Variants in CDKAL1 observed in about 807,000 individuals in gnomAD.
The protein encoded by CDKAL1 is CDKAL1 threonylcarbamoyladenosine tRNA methylthiotransferase.
Under a neutral mutation model 68.2 loss-of-function variants are expected in CDKAL1, and 32 were observed. The observed-to-expected ratio is 0.47, with a 90% CI of 0.35 to 0.63. The LOEUF (loss-of-function observed/expected upper bound fraction) is 0.63. CDKAL1 is among the 30% of genes least tolerant of loss of function. CDKAL1 has a pLI of 0.00. For synonymous variants in CDKAL1, 234 were observed against 244.3 expected, an observed-to-expected ratio of 0.96 and a Z score of 0.39; for missense variants, 606 against 696.7, an observed-to-expected ratio of 0.87 and a Z score of 1.47.
intron 5 of CDKAL1, among the ~76,000 whole-genome samples, chr6:20,667,374 T>G (rs1177986727): frequency 6.6e-6 from 1 of 152,182 alleles, no homozygotes; most frequent in Non-Finnish European, 1.5e-5. Flanking sequence ...GTGGTAATGC[T>G]TCTTTGTTGA....
At chr6:20,811,899 C>T (rs1776835234) in intron 8 of CDKAL1, among the ~76,000 whole-genome samples, 1 of 151,566 alleles carries the variant, frequency 6.6e-6, no homozygotes, top group African/African-American at 2.4e-5. Flanking sequence ...AAATGTCTAT[C>T]AAACAATTTT....
chr6:20,561,478 A>G (rs975127998), intron 4 of CDKAL1, among the ~76,000 whole-genome samples: 5 of 146,036 alleles, frequency 3.4e-5, no homozygotes, highest in African/African-American at 1.3e-4. Flanking sequence ...AAAAGAACAG[A>G]CTGTAGCCAG....
chr6:20,741,710 G>T (rs1297694879), intron 6 of CDKAL1, among the ~76,000 whole-genome samples: 4 of 151,612 alleles, frequency 2.6e-5, no homozygotes, highest in Non-Finnish European at 5.9e-5. Context: ...TTCTTTATCC[G>T]ATATGTCATT....
chr6:20,607,182 A>G lies in CDKAL1; in HGVS notation c.287-42111A>G, dbSNP rs1463832190. On this transcript the variant is annotated intron_variant, in intron 4 of 15. Transcript: ENST00000274695. ...GAAAGAACGTAAAGTAGTTTTTAGA[A>G]GTAGTTTCTTCTGGTCACCAAATTA... Among the ~76,000 whole-genome samples, 5 of 152,224 alleles carry G rather than the reference A, an allele frequency of 3.3e-5. No individual in the cohort carries two copies. In the East Asian group the frequency reaches 5.8e-4, roughly 18 times the overall value.
intron 6 of CDKAL1, among the ~76,000 whole-genome samples, chr6:20,740,565 AT>A (rs1773410021): frequency 6.6e-6 from 1 of 152,214 alleles, no homozygotes. Context: ...ATTTAAAAAA[AT>A]ATGTAAAAAC....
chr6:20,942,210 G>A (rs546709590), intron 9 of CDKAL1, among the ~76,000 whole-genome samples: 13 of 152,010 alleles, frequency 8.6e-5, no homozygotes, highest in Admixed American at 1.3e-4. Flanking sequence ...CACAATCTAC[G>A]TTCAAATAAT....
intron 7 of CDKAL1, among the ~76,000 whole-genome samples, chr6:20,760,292 T>C (rs1318460166): frequency 2.0e-5 from 3 of 152,144 alleles, no homozygotes; most frequent in East Asian, 3.8e-4. Context: ...TAATCTTCTT[T>C]TGATGTTCCA....
chr6:21,140,502 G>A (rs1775844818), intron 13 of CDKAL1, among the ~76,000 whole-genome samples: 1 of 152,142 alleles, frequency 6.6e-6, no homozygotes, highest in African/African-American at 2.4e-5. Context: ...ATGTTTTTAA[G>A]AGACTTGCCC....
intron 5 of CDKAL1, among the ~76,000 whole-genome samples, chr6:20,679,685 T>C (rs1241092727): frequency 6.6e-6 from 1 of 152,262 alleles, no homozygotes; most frequent in Non-Finnish European, 1.5e-5. Flanking sequence ...CATACTTTTA[T>C]TGAATTTCTA....
chr6:20,695,854 T>G (rs1314190733), intron 5 of CDKAL1, among the ~76,000 whole-genome samples: 1 of 152,216 alleles, frequency 6.6e-6, no homozygotes, highest in Non-Finnish European at 1.5e-5. Context: ...CACATTGTTA[T>G]GTAACCATTA....
chr6:20,943,328 C>CAAAAAAAAAAAAAAAAAAA (rs34759060), intron 9 of CDKAL1, among the ~76,000 whole-genome samples: 8 of 50,980 alleles, frequency 1.6e-4, no homozygotes, highest in African/African-American at 2.6e-4. Flanking sequence ...CTTGTTTTTT[C>CAAAAAAAAAAAAAAAAAAA]AAAAAAAAAA....
At chr6:20,773,899 T>G (rs546701922) in intron 7 of CDKAL1, among the ~76,000 whole-genome samples, 1 of 152,244 alleles carries the variant, frequency 6.6e-6, no homozygotes, top group Non-Finnish European at 1.5e-5. Context: ...GCCACCCTTC[T>G]GCCCTCTGCC....
At chr6:20,633,559 A>G (rs1183655547) in intron 4 of CDKAL1, among the ~76,000 whole-genome samples, 4 of 152,186 alleles carry the variant, frequency 2.6e-5, no homozygotes, top group Admixed American at 6.5e-5. Flanking sequence ...TAGGAGAGGA[A>G]TTGCTAGATT....
At chr6:21,144,619 T>C (rs1206730791) in intron 13 of CDKAL1, among the ~76,000 whole-genome samples, 1 of 130,566 alleles carries the variant, frequency 7.7e-6, no homozygotes, top group African/African-American at 3.1e-5. Context: ...ACCCCATCTC[T>C]ACAAAAAATA....
intron 9 of CDKAL1, among the ~76,000 whole-genome samples, chr6:20,855,771 G>C (rs1759303302): frequency 6.6e-6 from 1 of 152,078 alleles, no homozygotes; most frequent in African/African-American, 2.4e-5. Context: ...GTATATATTA[G>C]TACAATAGTA....
rs373729090 is a variant in CDKAL1 at position 20,974,865 on chromosome 6, C to A, written c.909+19280C>A. On this transcript the variant is annotated intron_variant, in intron 10 of 15. Transcript: ENST00000274695. Reference sequence around the variant, plus strand: ...ATGGTTGTATGCTCCTGTAGTACCCCCTACTCAGGAGGCTGAGGTGAAAGA... The same window carrying A: ...ATGGTTGTATGCTCCTGTAGTACCCACTACTCAGGAGGCTGAGGTGAAAGA... Among the ~76,000 whole-genome samples the A allele has an allele frequency of 4.2e-4, 63 of 150,932 alleles. No individual in the cohort carries two copies. In the East Asian group the frequency reaches 0.011, roughly 27 times the overall value.
intron 13 of CDKAL1, among the ~76,000 whole-genome samples, chr6:21,115,442 C>T (rs1267032944): frequency 1.3e-5 from 2 of 152,182 alleles, no homozygotes; most frequent in Middle Eastern, 3.4e-3. Flanking sequence ...TTAATGGATC[C>T]GGCACTCTAT....
At chr6:21,034,368 C>T (rs1303989112) in intron 11 of CDKAL1, among the ~76,000 whole-genome samples, 1 of 152,124 alleles carries the variant, frequency 6.6e-6, no homozygotes, top group Non-Finnish European at 1.5e-5. Flanking sequence ...TTATGAGTTC[C>T]ATCTTTACCT....
chr6:20,938,804 T>C (rs1161938303), intron 9 of CDKAL1, among the ~76,000 whole-genome samples: 4 of 152,150 alleles, frequency 2.6e-5, no homozygotes, highest in Non-Finnish European at 5.9e-5. Flanking sequence ...TATTTTCTGA[T>C]TGTGTACTTT....
Sources: gnomAD v4.1 joint callset for allele counts (sites outside exome capture counted in the v4.1 genomes callset) on GRCh38, gnomAD v4.1.1 for gene constraint, MANE v1.5 for transcripts, NCBI Gene and HGNC (gene_info 2026-07-23, HGNC 2026-07-21) for gene names.